The following CD59 variants were observed in gnomAD, a reference collection of about 807,000 sequenced individuals.
CD59 encodes the protein CD59 molecule (CD59 blood group).
In CD59, 3 loss-of-function variants were observed where a neutral mutation model predicts 7.0. The observed-to-expected ratio is 0.43, with a 90% confidence interval of 0.19 to 1.10. The LOEUF is 1.10. CD59 is among the 50% of genes least tolerant of loss of function. CD59 has a pLI of 0.29. For synonymous variants in CD59, 60 were observed against 62.0 expected (o/e 0.97, Z 0.15); for missense variants, 143 against 151.0 (o/e 0.95, Z 0.28).
At chr11:33,729,081 G>T (rs577003645) in intron 1 of CD59, among the ~76,000 whole-genome samples, 7 of 152,348 alleles carry the variant, frequency 4.6e-5, no homozygotes, top group Admixed American at 2.0e-4. Context: ...GTGTAAATTA[G>T]TTCAACCATT....
intron 1 of CD59, among the ~76,000 whole-genome samples, chr11:33,734,201 G>C (rs1417117433): frequency 6.6e-6 from 1 of 152,180 alleles, no homozygotes; most frequent in Non-Finnish European, 1.5e-5. Context: ...TCAGTTCACG[G>C]AACAAATTAC....
At chr11:33,734,572 CCAAA>C (rs1169975045) in intron 1 of CD59, among the ~76,000 whole-genome samples, 2 of 152,156 alleles carry the variant, frequency 1.3e-5, no homozygotes, top group African/African-American at 4.8e-5. Context: ...ACTCTTTGGA[CCAAA>C]CAAATCTGCA....
chr11:33,726,717 C>CA (rs1454580930), intron 1 of CD59, among the ~76,000 whole-genome samples: 12 of 152,040 alleles, frequency 7.9e-5, no homozygotes, highest in African/African-American at 2.9e-4. Context: ...AAAGACCCTT[C>CA]AAAAAATCAA....
intron 3 of CD59, among the ~76,000 whole-genome samples, chr11:33,711,016 T>C (rs960438734): frequency 1.5e-5 from 2 of 137,294 alleles, no homozygotes; most frequent in African/African-American, 5.5e-5. Context: ...AGTGCTAACA[T>C]GGAAGGAGCT....
At chr11:33,713,508 G>A (rs564618454) in intron 3 of CD59, among the ~76,000 whole-genome samples, 1 of 152,350 alleles carries the variant, frequency 6.6e-6, no homozygotes, top group South Asian at 2.1e-4. Context: ...AAGTGGCAGA[G>A]TCCACATAGA....
chr11:33,730,897 G>A (rs984463370), intron 1 of CD59, among the ~76,000 whole-genome samples: 3 of 152,172 alleles, frequency 2.0e-5, no homozygotes, highest in African/African-American at 7.2e-5. Context: ...AGTTGTGGCC[G>A]CCTGCCATTT....
chr11:33,720,031 C>T lies in CD59; in HGVS notation c.67+2348G>A, dbSNP rs139857060. ...ATGGATTTTTGTGGTGGCTAGATCCCGGGCTCATTTGGCCTCTTAAGAAAG... is the reference window on the plus strand; with the variant it reads ...ATGGATTTTTGTGGTGGCTAGATCCTGGGCTCATTTGGCCTCTTAAGAAAG... On this transcript the variant is annotated intron_variant, in intron 2 of 3. Coordinates refer to ENST00000642928, the MANE Select transcript of CD59 (RefSeq NM_000611.6). Among the ~76,000 whole-genome samples the T allele has an allele frequency of 4.7e-3, 715 of 152,264 alleles. 2 individuals carry two copies. The highest frequency in any genetic ancestry group is 0.016 in the African/African-American group (679 of 41,558).
intron 3 of CD59, among the ~76,000 whole-genome samples, chr11:33,711,057 G>A (rs1247154405): frequency 2.6e-5 from 4 of 151,226 alleles, no homozygotes; most frequent in Non-Finnish European, 5.9e-5. Flanking sequence ...AAAGGTGGGG[G>A]GGGGGCAGAA....
chr11:33,712,489 A>T (rs1853602920), intron 3 of CD59, among the ~76,000 whole-genome samples: 1 of 152,242 alleles, frequency 6.6e-6, no homozygotes, highest in Admixed American at 6.5e-5. Flanking sequence ...AGCATGAGTG[A>T]ACCTTGGAAA....
intron 3 of CD59, 90 bp from the exon 4 acceptor site, chr11:33,710,433 T>A: frequency 9.5e-7 from 1 of 1,052,212 alleles, no homozygotes; most frequent in East Asian, 2.4e-5. Context: ...GTATGTATCC[T>A]GTGCAAGTAG....
At chr11:33,730,255 C>CA (rs761598048) in intron 1 of CD59, among the ~76,000 whole-genome samples, 3,967 of 140,198 alleles carry the variant, frequency 0.028, 70 homozygotes, top group Non-Finnish European at 0.041. Flanking sequence ...CCCATCTCTA[C>CA]AAAAAAAAAA....
chr11:33,710,144 G>A lies in CD59; in HGVS notation c.369C>T (p.Ala123=), dbSNP rs11552626. The change falls in exon 4 of 4, where the codon GCC becomes GCT. Residue 123 remains alanine, a synonymous_variant. Coordinates refer to ENST00000642928, the MANE Select transcript of CD59 (RefSeq NM_000611.6). ...TGTTGACTTAGGGATGAAGGCTCCAGGCTGCTGCCAGAAATGGAGTCACCA... is the reference window on the plus strand; with the variant it reads ...TGTTGACTTAGGGATGAAGGCTCCAAGCTGCTGCCAGAAATGGAGTCACCA... ...LLLVTPFLAA[A]WSLHP is the part of the protein sequence containing the mutation. 6.2e-7 allele frequency: 1 copy of A among 1,613,158 alleles called. No individual in the cohort carries two copies. Among genetic ancestry groups the A allele is most frequent in the Non-Finnish European group, 8.5e-7 (1 of 1,179,500 alleles).
chr11:33,710,888 T>A (rs1296872951), intron 3 of CD59, among the ~76,000 whole-genome samples: 3 of 151,622 alleles, frequency 2.0e-5, no homozygotes, highest in African/African-American at 7.3e-5. Flanking sequence ...TGCTCAAGAA[T>A]GGTCAGAAAA....
At chr11:33,716,721 C>T (rs831637) in intron 3 of CD59, among the ~76,000 whole-genome samples, 23,976 of 152,124 alleles carry the variant, frequency 0.16, 2,257 homozygotes, top group South Asian at 0.28. Context: ...TGCATGTTAG[C>T]ATTGCCCATC....
In CD59 at chr11:33,725,787, C is replaced by A. The variant is rs861256; in HGVS notation, c.-18-3324G>T. 4.7e-3 allele frequency among the ~76,000 whole-genome samples: 720 copies of A among 152,026 alleles called. 2 individuals carry two copies. The highest frequency in any genetic ancestry group is 8.5e-3 in the Non-Finnish European group (577 of 67,972). On this transcript the variant is annotated intron_variant, in intron 1 of 3. Coordinates refer to ENST00000642928, the MANE Select transcript of CD59 (RefSeq NM_000611.6). The stretch of plus-strand genomic sequence containing the variant: ...ATGGTACACTTCCATGGTGGGGAAC[C>A]GCATAGCCAGGAAAAGTAATGGGCG...
At chr11:33,724,258 C>G (rs958392313) in intron 1 of CD59, among the ~76,000 whole-genome samples, 1 of 152,360 alleles carries the variant, frequency 6.6e-6, no homozygotes, top group Non-Finnish European at 1.5e-5. Flanking sequence ...TGGAATGGTC[C>G]TTGACATAAA....
At chr11:33,735,246 T>C (rs566719399) in intron 1 of CD59, among the ~76,000 whole-genome samples, 2 of 152,180 alleles carry the variant, frequency 1.3e-5, no homozygotes, top group East Asian at 3.9e-4. Context: ...CTGAAATAAT[T>C]AGCAGCCGCC....
intron 1 of CD59, among the ~76,000 whole-genome samples, chr11:33,724,576 T>C (rs1428288908): frequency 6.6e-6 from 1 of 151,732 alleles, no homozygotes; most frequent in East Asian, 1.9e-4. Flanking sequence ...TACTCAGGAG[T>C]AATGAGGTTA....
intron 2 of CD59, chr11:33,718,481 TA>T (rs59130418): frequency 0.33 from 48,275 of 145,846 alleles, 8,954 homozygotes; most frequent in African/African-American, 0.52. Flanking sequence ...AAACTCTGTT[TA>T]AAAAAAAAAA....
Sources: gnomAD v4.1 joint callset for allele counts (sites outside exome capture counted in the v4.1 genomes callset) on GRCh38, gnomAD v4.1.1 for gene constraint, MANE v1.5 for transcripts, NCBI Gene and HGNC (gene_info 2026-07-23, HGNC 2026-07-21) for gene names.